The following NEK4 variants were observed in gnomAD, a reference collection of about 807,000 sequenced individuals.
NEK4 encodes the protein NIMA related kinase 4.
A neutral mutation model predicts 98.4 loss-of-function variants in NEK4; 86 were observed. The observed-to-expected ratio is 0.87, with a 90% confidence interval of 0.73 to 1.05. The LOEUF (loss-of-function observed/expected upper bound fraction) is 1.05. Ranked by LOEUF, NEK4 falls within the 50% of genes least tolerant of loss-of-function variation. The pLI is 0.00. For missense variants in NEK4, 898 were observed against 950.3 expected (o/e 0.94, Z 0.72); for synonymous variants, 328 against 342.2 (o/e 0.96, Z 0.46).
chr3:52,768,284 G>A (rs1181946818), intron 2 of NEK4, 54 bp downstream of exon 2: 3 of 1,534,298 alleles, frequency 2.0e-6, no homozygotes, highest in African/African-American at 1.4e-5. Context: ...AAATACACCT[G>A]CCATCTTCTT....
rs767470167 is a variant in NEK4 at position 52,746,049 on chromosome 3, G to A, written c.1827+12C>T. ...TAAGGTTTTTAAAAATCCAGCATAT[G>A]TTCCCACAAACCTTTGATGATGACA... On this transcript the variant is annotated intron_variant, in intron 10 of 15. Transcript: ENST00000233027. 2.5e-6 allele frequency: 4 copies of A among 1,611,678 alleles called. No homozygotes were observed. The highest frequency in any genetic ancestry group is 3.4e-6 in the Non-Finnish European group (4 of 1,178,778).
chr3:52,752,900 C>CAAAAAAAAAAAAAAA lies in NEK4; in HGVS notation c.964-579_964-565dup, dbSNP rs71087016. On this transcript the variant is annotated intron_variant, in intron 6 of 15. Coordinates refer to ENST00000233027, the MANE Select transcript of NEK4 (RefSeq NM_003157.6). ...GGGCAACAGGAGTGAAACCCTGCCT[C>CAAAAAAAAAAAAAAA]AAAAAAAAAAAAAAAAAATATATAT... Among the ~76,000 whole-genome samples, 118 of 49,752 alleles carry CAAAAAAAAAAAAAAA rather than the reference C, an allele frequency of 2.4e-3. 14 individuals are homozygous for CAAAAAAAAAAAAAAA. The highest frequency in any genetic ancestry group is 3.3e-3 in the Admixed American group (11 of 3,308). 32.6% of individuals were successfully genotyped at this position (49,752 alleles called of 152,430 possible).
intron 15 of NEK4, among the ~76,000 whole-genome samples, chr3:52,712,265 C>A (rs1272897978): frequency 6.6e-6 from 1 of 152,126 alleles, no homozygotes; most frequent in Non-Finnish European, 1.5e-5. Context: ...ATATAAATAA[C>A]CATTTAGTGA....
chr3:52,739,482 T>G lies in NEK4; in HGVS notation c.2246A>C (p.His749Pro). ...CTCTGCCTCTTCTGCAACCTTCCCA[T>G]GAAGTATCAGTGTGTCCCGATATTT... ...HRKYRDTLIL[H>P]GKVAEEAEEI... The change falls in exon 14 of 16, where the codon CAT (histidine) becomes CCT (proline). Residue 749 changes from histidine (H) to proline (P), a missense_variant. Physicochemically the swap from His to Pro is moderately conservative, Grantham distance 77. Transcript: ENST00000233027. 6.2e-7 allele frequency: 1 copy of G among 1,614,164 alleles called. No homozygotes were observed. The highest frequency in any genetic ancestry group is 1.1e-5 in the South Asian group (1 of 91,082).
intron 15 of NEK4, among the ~76,000 whole-genome samples, chr3:52,729,202 C>T (rs1040581029): frequency 8.5e-5 from 13 of 152,112 alleles, no homozygotes; most frequent in Non-Finnish European, 1.5e-4. Context: ...GGTTTTAAGG[C>T]TCAGGTGGGC....
chr3:52,760,418 T>C (rs901334090), intron 6 of NEK4, among the ~76,000 whole-genome samples: 2 of 152,186 alleles, frequency 1.3e-5, no homozygotes, highest in Non-Finnish European at 1.5e-5. Context: ...GGGTTCACCA[T>C]GTTGGCCAGG....
chr3:52,758,321 G>A (rs1189186678), intron 6 of NEK4, among the ~76,000 whole-genome samples: 3 of 151,430 alleles, frequency 2.0e-5, no homozygotes, highest in Non-Finnish European at 4.4e-5. Context: ...TGAAGATGAG[G>A]GGTGATGGCT....
chr3:52,711,866 G>T lies in NEK4; in HGVS notation c.2437C>A (p.Arg813Ser). 6.3e-7 allele frequency: 1 copy of T among 1,578,644 alleles called. No homozygotes were observed. The highest frequency in any genetic ancestry group is 8.7e-7 in the Non-Finnish European group (1 of 1,151,424). The change falls in exon 16 of 16, where the codon CGT becomes AGT. Residue 813 changes from arginine to serine, a missense_variant. Arg to Ser is a moderately radical substitution (Grantham distance 110). Coordinates refer to ENST00000233027, the MANE Select transcript of NEK4 (RefSeq NM_003157.6). Reference sequence around the variant, plus strand: ...TTTTCACCCATGTGCTCCCGCAAACGTACCTATTTGAGAAACAAAAAGAAA... The same window carrying T: ...TTTTCACCCATGTGCTCCCGCAAACTTACCTATTTGAGAAACAAAAAGAAA... ...EEEDEFDREV[R>S]LREHMGEKYT... is the part of the protein sequence containing the mutation.
chr3:52,722,369 G>C (rs1452578716), intron 15 of NEK4, among the ~76,000 whole-genome samples: 2 of 152,200 alleles, frequency 1.3e-5, no homozygotes, highest in Non-Finnish European at 2.9e-5. Flanking sequence ...GCATGGCTGA[G>C]CGAGGCCTGG....
At position 52,747,029 on chromosome 3, in the gene NEK4, C is replaced by A. The variant is rs370595831; in HGVS notation, c.1507-125G>T. ...TGAAAACTTTCCTCAGTTTTAAAAA[C>A]TGGTTTCCATATTGCAATTTAGTGT... On this transcript the variant is annotated intron_variant, in intron 8 of 15. Coordinates refer to ENST00000233027, the MANE Select transcript of NEK4 (RefSeq NM_003157.6). 194 of 704,824 alleles carry A rather than the reference C, an allele frequency of 2.8e-4. No homozygotes were observed. The African/African-American group carries it at 3.1e-3, about 11-fold the overall frequency. The allele number at this position is 704,824 out of a possible 1,614,324, so 43.7% of individuals were successfully genotyped here.
At chr3:52,741,184 G>A (rs1445517063) in intron 13 of NEK4, among the ~76,000 whole-genome samples, 14 of 149,544 alleles carry the variant, frequency 9.4e-5, no homozygotes, top group East Asian at 2.0e-4. Flanking sequence ...TGCAGTGAGC[G>A]GAGATTGTGC....
intron 15 of NEK4, among the ~76,000 whole-genome samples, chr3:52,726,336 C>T (rs2097364530): frequency 2.0e-5 from 3 of 152,134 alleles, no homozygotes; most frequent in Non-Finnish European, 2.9e-5. Flanking sequence ...CAGTGGCTCA[C>T]GCCTATAATC....
intron 15 of NEK4, among the ~76,000 whole-genome samples, chr3:52,714,005 C>T (rs541297550): frequency 1.1e-4 from 17 of 152,260 alleles, no homozygotes; most frequent in Admixed American, 1.1e-3. Context: ...AAGGCCAAAG[C>T]GGGCTGATCC....
chr3:52,721,133 A>T (rs2097359694), intron 15 of NEK4, among the ~76,000 whole-genome samples: 1 of 152,212 alleles, frequency 6.6e-6, no homozygotes, highest in African/African-American at 2.4e-5. Flanking sequence ...CCCAGTGGAG[A>T]CAGTCATGCT....
chr3:52,715,795 G>A (rs1446800062), intron 15 of NEK4, among the ~76,000 whole-genome samples: 1 of 152,226 alleles, frequency 6.6e-6, no homozygotes, highest in Non-Finnish European at 1.5e-5. Flanking sequence ...GAATGGTGAG[G>A]CTAAAAGAAC....
intron 15 of NEK4, among the ~76,000 whole-genome samples, chr3:52,715,550 C>T (rs1383126106): frequency 6.6e-6 from 1 of 152,194 alleles, no homozygotes; most frequent in African/African-American, 2.4e-5. Flanking sequence ...TCAGGCCCAG[C>T]TAATTTTTTT....
chr3:52,716,769 G>C (rs541564209), intron 15 of NEK4, among the ~76,000 whole-genome samples: 5 of 152,180 alleles, frequency 3.3e-5, no homozygotes, highest in Admixed American at 1.3e-4. Flanking sequence ...TTTGTCTTTT[G>C]ACAGAAGAAA....
rs765240952 is a variant in NEK4 at position 52,739,509 on chromosome 3, C to T, written c.2219G>A (p.Arg740Gln). ...ANPVSEFKLH[R>Q]KYRDTLILHG... Reference sequence around the variant, plus strand: ...AAGTATCAGTGTGTCCCGATATTTCCGATGAAGTTTGAATTCTGACACTGG... The same window carrying T: ...AAGTATCAGTGTGTCCCGATATTTCTGATGAAGTTTGAATTCTGACACTGG... The change falls in exon 14 of 16, where the codon CGG becomes CAG. Residue 740 changes from arginine to glutamine, a missense_variant. By Grantham distance (43) the Arg-to-Gln change is conservative. Coordinates refer to ENST00000233027, the MANE Select transcript of NEK4 (RefSeq NM_003157.6). 7.4e-6 allele frequency: 12 copies of T among 1,614,122 alleles called. No individual in the cohort carries two copies. The highest frequency in any genetic ancestry group is 5.0e-5 in the Admixed American group (3 of 60,010).
Position 52,710,713 on chromosome 3 carries a change from G to C in NEK4, c.*1064C>G, listed in dbSNP as rs2097349535. On this transcript the variant is annotated 3_prime_UTR_variant, in exon 16 of 16. Coordinates refer to ENST00000233027, the MANE Select transcript of NEK4 (RefSeq NM_003157.6). ...AGAAGTGGAGGTTGCAGTGAGTTGA[G>C]ATCATGCCACTGCACTCCAGCCTGA... 1 of 151,934 alleles carries C rather than the reference G, an allele frequency of 6.6e-6. No homozygotes were observed. The highest frequency in any genetic ancestry group is 2.1e-4 in the South Asian group (1 of 4,818). 9.4% of individuals were successfully genotyped at this position (151,934 alleles called of 1,614,324 possible).
Sources: allele counts gnomAD v4.1 joint callset (sites outside exome capture counted in the v4.1 genomes callset), GRCh38; gene constraint gnomAD v4.1.1; transcripts MANE v1.5; gene names NCBI Gene and HGNC (gene_info 2026-07-23, HGNC 2026-07-21).